WDR41: variants seen among roughly 807,000 people sequenced by gnomAD.
WDR41 encodes the protein WD repeat-containing protein 41.
A neutral mutation model predicts 69.3 loss-of-function variants in WDR41; 63 were observed. The observed-to-expected ratio is 0.91, with a 90% CI of 0.74 to 1.12. WDR41 has a LOEUF of 1.12. Ranked by LOEUF, WDR41 falls within the 50% of genes most tolerant of loss-of-function variation. WDR41 has a pLI of 0.00. For synonymous variants in WDR41, 185 were observed against 192.1 expected, an observed-to-expected ratio of 0.96 and a Z score of 0.31; for missense variants, 543 against 534.5, an observed-to-expected ratio of 1.02 and a Z score of -0.16.
intron 8 of WDR41, among the ~76,000 whole-genome samples, chr5:77,447,900 T>G (rs906146953): frequency 6.6e-6 from 1 of 152,210 alleles, no homozygotes; most frequent in Non-Finnish European, 1.5e-5. Flanking sequence ...TTTAAAAAGA[T>G]AGTAAAAAAC....
chr5:77,503,950 C>A (rs138044150), intron 1 of WDR41, among the ~76,000 whole-genome samples: 1 of 151,938 alleles, frequency 6.6e-6, no homozygotes, highest in African/African-American at 2.4e-5. Context: ...GACACCCTAC[C>A]GTCACAATTA....
At chr5:77,471,388 C>T (rs1188238981) in intron 2 of WDR41, among the ~76,000 whole-genome samples, 3 of 152,150 alleles carry the variant, frequency 2.0e-5, no homozygotes, top group African/African-American at 7.2e-5. Context: ...AGAGCAAACA[C>T]ATTCGAAAGC....
At chr5:77,550,715 C>A (rs1743279892) in intron 1 of WDR41, among the ~76,000 whole-genome samples, 1 of 152,062 alleles carries the variant, frequency 6.6e-6, no homozygotes, top group East Asian at 1.9e-4. Context: ...GCCATTTGAC[C>A]CAGAAATCCC....
chr5:77,504,982 T>G (rs943921820), intron 1 of WDR41, among the ~76,000 whole-genome samples: 2 of 152,188 alleles, frequency 1.3e-5, no homozygotes, highest in Non-Finnish European at 2.9e-5. Flanking sequence ...GGATGTTCTC[T>G]CTCACCACTC....
At chr5:77,473,257 C>T (rs1800720395) in intron 2 of WDR41, among the ~76,000 whole-genome samples, 1 of 152,180 alleles carries the variant, frequency 6.6e-6, no homozygotes, top group Admixed American at 6.5e-5. Context: ...AAAGCTGAAA[C>T]TGGATCCCTT....
At chr5:77,487,340 C>A (rs908003118) in intron 2 of WDR41, among the ~76,000 whole-genome samples, 1 of 152,140 alleles carries the variant, frequency 6.6e-6, no homozygotes, top group Non-Finnish European at 1.5e-5. Flanking sequence ...CAAAATCTTA[C>A]CTTTCCAGAA....
chr5:77,481,814 A>G (rs1216161539), intron 2 of WDR41, among the ~76,000 whole-genome samples: 1 of 149,500 alleles, frequency 6.7e-6, no homozygotes, highest in Non-Finnish European at 1.5e-5. Flanking sequence ...AAAAAGAGCC[A>G]TATCTGGTAA....
chr5:77,541,461 G>T (rs904121964), intron 1 of WDR41, among the ~76,000 whole-genome samples: 3 of 150,010 alleles, frequency 2.0e-5, no homozygotes, highest in African/African-American at 7.3e-5. Context: ...AACAGATGCT[G>T]CCAAGGAGAT....
rs530597738 is a variant in WDR41, at chr5:77,510,026, A to G, written c.43-20454T>C. 1.8e-3 allele frequency among the ~76,000 whole-genome samples: 279 copies of G among 152,230 alleles called. 2 individuals are homozygous for G. Among genetic ancestry groups the G allele is most frequent in the African/African-American group, 6.4e-3 (267 of 41,550 alleles). ...TTTGGATCCCCTCCCCCTTTCCTAA[A>G]CCAATCACTAGTATGGAACTGAGAT... On this transcript the variant is annotated intron_variant, in intron 1 of 5. Transcript: ENST00000509971.
chr5:77,557,019 C>T (rs1007575894), intron 1 of WDR41, among the ~76,000 whole-genome samples: 16 of 152,168 alleles, frequency 1.1e-4, no homozygotes, highest in African/African-American at 3.6e-4. Flanking sequence ...GGTAGTCAAA[C>T]ATCAAAAATG....
intron 1 of WDR41, among the ~76,000 whole-genome samples, chr5:77,505,406 T>C (rs1244928540): frequency 6.6e-6 from 1 of 152,188 alleles, no homozygotes; most frequent in Non-Finnish European, 1.5e-5. Flanking sequence ...GAACATTCCA[T>C]GCTCATGGGT....
chr5:77,463,096 A>G lies in WDR41; in HGVS notation c.347T>C (p.Ile116Thr), dbSNP rs776622721. Residue 116 changes from isoleucine (I) to threonine (T), a missense_variant and splice_region_variant, in exon 4 of 13, where the codon ATT becomes ACT. Transcript: ENST00000296679. ...CATTTCTTCCAGATTAAAGGATACA[A>G]TAACTGTTCTATCAGCAGAGGCTGT... ...ILTASADRTV[I>T]VWDGDTTRQV... is the part of the protein sequence containing the mutation. 23 of 1,611,470 alleles carry G rather than the reference A, an allele frequency of 1.4e-5. No homozygotes were observed. Among genetic ancestry groups the G allele is most frequent in the Non-Finnish European group, 1.5e-5 (18 of 1,178,992 alleles).
chr5:77,546,967 C>T (rs1743210780), intron 1 of WDR41, among the ~76,000 whole-genome samples: 1 of 152,074 alleles, frequency 6.6e-6, no homozygotes, highest in African/African-American at 2.4e-5. Flanking sequence ...GATGGTTTAA[C>T]ATACACAAGT....
At chr5:77,483,515 T>C (rs1184192303) in intron 2 of WDR41, among the ~76,000 whole-genome samples, 2 of 148,886 alleles carry the variant, frequency 1.3e-5, no homozygotes, top group Admixed American at 6.8e-5. Context: ...TGTGTGTGTG[T>C]GTGTGTGTGT....
intron 1 of WDR41, among the ~76,000 whole-genome samples, chr5:77,574,479 C>T (rs6453326): frequency 0.1 from 15,651 of 151,994 alleles, 1,690 homozygotes; most frequent in East Asian, 0.26. Flanking sequence ...GTGTGAGTGA[C>T]GTATAAGCCA....
At chr5:77,617,487 A>G (rs889549596) in intron 1 of WDR41, among the ~76,000 whole-genome samples, 2 of 152,262 alleles carry the variant, frequency 1.3e-5, no homozygotes, top group Non-Finnish European at 2.9e-5. Context: ...TTGAGTGAAT[A>G]AATATGTTTA....
chr5:77,613,663 T>C (rs1194252932), intron 1 of WDR41, among the ~76,000 whole-genome samples: 1 of 152,258 alleles, frequency 6.6e-6, no homozygotes, highest in East Asian at 1.9e-4. Context: ...ATTAAAGATT[T>C]ATATGTTAGA....
intron 1 of WDR41, among the ~76,000 whole-genome samples, chr5:77,609,029 T>C (rs1744486261): frequency 6.6e-6 from 1 of 150,824 alleles, no homozygotes; most frequent in African/African-American, 2.4e-5. Context: ...GAGGGTCCTA[T>C]GCCCACGGAG....
intron 1 of WDR41, among the ~76,000 whole-genome samples, chr5:77,556,095 C>CTT (rs34372647): frequency 0.035 from 2,017 of 57,724 alleles, 424 homozygotes; most frequent in East Asian, 0.044. Flanking sequence ...AAAAGATGGA[C>CTT]TTTTTTTTTT....
Sources: gnomAD v4.1 joint callset for allele counts (sites outside exome capture counted in the v4.1 genomes callset) on GRCh38, gnomAD v4.1.1 for gene constraint, MANE v1.5 for transcripts, NCBI Gene and HGNC (gene_info 2026-07-23, HGNC 2026-07-21) for gene names.